The following LRCOL1 variants were observed in gnomAD, a reference collection of about 807,000 sequenced individuals.
LRCOL1 encodes leucine rich colipase like 1, also known as leucine-rich colipase-like protein 1.
In LRCOL1, 21 loss-of-function variants were observed where a neutral mutation model predicts 21.6. The ratio of observed to expected loss-of-function variants is 0.97; its 90% CI spans 0.69 to 1.40. The LOEUF is 1.40. Ranked by LOEUF, LRCOL1 falls within the 40% of genes most tolerant of loss-of-function variation. LRCOL1 has a pLI of 0.00. For missense variants in LRCOL1, 198 were observed against 202.3 expected (o/e 0.98, Z 0.13); for synonymous variants, 98 against 90.1 (o/e 1.09, Z -0.49).
Position 132,603,352 on chromosome 12 carries a change from G to C in LRCOL1, c.*50C>G. ...GCCCCCGCGCAACGCGGTCCTGCGT[G>C]AACATCCCAGGGCCCAGGCCGGTCC... On this transcript the variant is annotated 3_prime_UTR_variant, in exon 6 of 6. Transcript: ENST00000376608. The C allele has an allele frequency of 1.3e-6, 2 of 1,535,764 alleles. No individual in the cohort carries two copies. The highest frequency in any genetic ancestry group is 1.7e-6 in the Non-Finnish European group (2 of 1,146,598).
Position 132,604,288 on chromosome 12 carries a change from G to C in LRCOL1, c.443C>G (p.Pro148Arg). ...GCACTGGGCCAGGATCCCGGTCCGG[G>C]GAATGCAGCGGAAGGGGCTGTACTC... ...LREYSPFRCI[P>R]RTGILAQCLP... Residue 148 changes from proline (P) to arginine (R), a missense_variant, in exon 5 of 6, where the codon CCC becomes CGC. Pro to Arg is a moderately radical substitution (Grantham distance 103). Transcript: ENST00000376608. 1 of 1,535,670 alleles carries C rather than the reference G, an allele frequency of 6.5e-7. No homozygotes were observed. The highest frequency in any genetic ancestry group is 8.7e-7 in the Non-Finnish European group (1 of 1,146,788).
rs906951975 is a variant in LRCOL1, at chr12:132,606,327, G to A, written c.-13-63C>T. ...CCAGCCTTGTCCTGCCTGGCACCTG[G>A]TGCTGGCCTCCCCACTCCCTTCCCA... On this transcript the variant is annotated intron_variant, in intron 1 of 5. Transcript: ENST00000376608. This position sits in a 1 kb window ranked among gnomAD's most constrained non-coding sequence, Gnocchi z 4.6. 7.1e-7 allele frequency: 1 copy of A among 1,404,652 alleles called. No individual in the cohort carries two copies. The allele number at this position is 1,404,652 out of a possible 1,614,324, so 87.0% of individuals were successfully genotyped here. A position where few individuals can be genotyped will look rare whatever the true frequency, so the allele number is the denominator to read the frequency against.
chr12:132,609,857 G>A (rs774295011), intron 1 of LRCOL1, among the ~76,000 whole-genome samples: 22 of 152,136 alleles, frequency 1.4e-4, no homozygotes, highest in Non-Finnish European at 2.5e-4. Flanking sequence ...TCTCTATTCC[G>A]GGACATTTGC....
At chr12:132,609,519 G>A (rs978393675) in intron 1 of LRCOL1, among the ~76,000 whole-genome samples, 9 of 152,178 alleles carry the variant, frequency 5.9e-5, no homozygotes, top group Admixed American at 1.3e-4. Context: ...CCAACATGGT[G>A]AAACCCTGTC....
chr12:132,605,042 G>A, intron 2 of LRCOL1: 1 of 1,395,146 alleles, frequency 7.2e-7, no homozygotes, highest in South Asian at 1.5e-5. Context: ...TGTCTACTGT[G>A]AGCCACGTGG....
chr12:132,604,926 T>G, intron 2 of LRCOL1, 95 bp from the exon 3 acceptor site: 2 of 1,474,146 alleles, frequency 1.4e-6, no homozygotes, highest in Non-Finnish European at 1.8e-6. Context: ...GGCTCCCCTG[T>G]GTCACCATCC....
chr12:132,603,373 G>T lies in LRCOL1; in HGVS notation c.*29C>A. On this transcript the variant is annotated 3_prime_UTR_variant, in exon 6 of 6. Coordinates refer to ENST00000376608, the MANE Select transcript of LRCOL1 (RefSeq NM_001195520.2). ...GCGTGAACATCCCAGGGCCCAGGCC[G>T]GTCCCTCGCGCCCAGGTTCGAGCTC... 6.5e-7 allele frequency: 1 copy of T among 1,536,150 alleles called. No individual in the cohort carries two copies. The highest frequency in any genetic ancestry group is 1.2e-5 in the South Asian group (1 of 84,056).
In LRCOL1 at chr12:132,604,570, T is replaced by C. The variant is rs2041277577; in HGVS notation, c.246A>G (p.Arg82=). The change falls in exon 4 of 6, where the codon AGA becomes AGG. Residue 82 remains arginine (R), a synonymous_variant. Coordinates refer to ENST00000376608, the MANE Select transcript of LRCOL1 (RefSeq NM_001195520.2). ...CLPWRKPNGY[R]CSHDSECQSS... ...TCTGGCACTCTGAGTCGTGCGAGCATCTGTACCCATTGGGCTATGGGACAG... is the reference window on the plus strand; with the variant it reads ...TCTGGCACTCTGAGTCGTGCGAGCACCTGTACCCATTGGGCTATGGGACAG... 1 of 1,535,484 alleles carries C rather than the reference T, an allele frequency of 6.5e-7. No individual in the cohort carries two copies. Among genetic ancestry groups the C allele is most frequent in the Non-Finnish European group, 8.7e-7 (1 of 1,146,386 alleles).
rs2041270528 is a variant in LRCOL1 at position 132,604,289 on chromosome 12, G to A, written c.442C>T (p.Pro148Ser). The change falls in exon 5 of 6, where the codon CCC becomes TCC. Residue 148 changes from proline (P) to serine (S), a missense_variant. Pro to Ser is a moderately conservative substitution (Grantham distance 74). Transcript: ENST00000376608. ...CACTGGGCCAGGATCCCGGTCCGGG[G>A]AATGCAGCGGAAGGGGCTGTACTCC... ...LREYSPFRCI[P>S]RTGILAQCLP... The A allele has an allele frequency of 2.0e-6, 3 of 1,535,500 alleles. No individual in the cohort carries two copies. The highest frequency in any genetic ancestry group is 2.4e-5 in the East Asian group (1 of 40,908).
rs1566276530 is a variant in LRCOL1 at position 132,603,629 on chromosome 12, ACCCGAGGGCGCC to A, written c.478-237_478-226del. 1.2e-3 allele frequency: 107 copies of A among 90,862 alleles called. No individual in the cohort carries two copies. In the African/African-American group the frequency reaches 0.022, roughly 18 times the overall value. The allele number at this position is 90,862 out of a possible 1,614,324, so 5.6% of individuals were successfully genotyped here. Reference sequence around the variant, plus strand: ...AGCGCCCACGAGGGCGCCTGGTGGTACCCGAGGGCGCCTGGTGGTACCCGAGGGCTGTGAACA... The same window carrying A: ...AGCGCCCACGAGGGCGCCTGGTGGTATGGTGGTACCCGAGGGCTGTGAACA... On this transcript the variant is annotated intron_variant, in intron 5 of 5. Transcript: ENST00000376608.
Position 132,603,358 on chromosome 12 carries a change from C to G in LRCOL1, c.*44G>C. On this transcript the variant is annotated 3_prime_UTR_variant, in exon 6 of 6. Transcript: ENST00000376608. The stretch of plus-strand genomic sequence containing the variant: ...GCGCAACGCGGTCCTGCGTGAACAT[C>G]CCAGGGCCCAGGCCGGTCCCTCGCG... 6.5e-7 allele frequency: 1 copy of G among 1,536,088 alleles called. No homozygotes were observed. The highest frequency in any genetic ancestry group is 2.4e-5 in the East Asian group (1 of 40,920).
intron 1 of LRCOL1, among the ~76,000 whole-genome samples, chr12:132,607,352 C>A (rs1429226154): frequency 6.6e-6 from 1 of 152,218 alleles, no homozygotes; most frequent in Non-Finnish European, 1.5e-5. Context: ...AAGATCAACA[C>A]AAAATTCAAA....
intron 5 of LRCOL1, chr12:132,603,942 C>G (rs2041263062): frequency 4.0e-6 from 5 of 1,245,914 alleles, no homozygotes; most frequent in African/African-American, 1.6e-5. Flanking sequence ...GGCCTGAAGA[C>G]GTCCAACCCC....
intron 1 of LRCOL1, among the ~76,000 whole-genome samples, chr12:132,609,258 G>A (rs1268526352): frequency 1.3e-5 from 2 of 152,198 alleles, no homozygotes; most frequent in Admixed American, 6.5e-5. Context: ...CAGACAGTAC[G>A]ATGGTGGTGC....
chr12:132,607,103 G>A (rs1315346272), intron 1 of LRCOL1, among the ~76,000 whole-genome samples: 1 of 152,198 alleles, frequency 6.6e-6, no homozygotes, highest in Non-Finnish European at 1.5e-5. Flanking sequence ...ATTGCCCTGC[G>A]TGTGGTCAGC....
chr12:132,603,779 C>T, intron 5 of LRCOL1: 1 of 985,468 alleles, frequency 1.0e-6, no homozygotes, highest in Non-Finnish European at 1.2e-6. Flanking sequence ...TGGCCCCCTC[C>T]CCTGGCCCCA....
Position 132,606,952 on chromosome 12 carries a change from C to G in LRCOL1, c.-13-688G>C, listed in dbSNP as rs573063460. ...AATGGATTTTGAAGAAGACTTTTCC[C>G]AGCGGACAGTGGTTCCCCTGATGAA... On this transcript the variant is annotated intron_variant, in intron 1 of 5. Coordinates refer to ENST00000376608, the MANE Select transcript of LRCOL1 (RefSeq NM_001195520.2). This position sits in a 1 kb window ranked among gnomAD's most constrained non-coding sequence, Gnocchi z 4.6. Among the ~76,000 whole-genome samples the G allele has an allele frequency of 6.6e-5, 10 of 152,176 alleles. No individual in the cohort carries two copies. The South Asian group carries it at 1.2e-3, about 19-fold the overall frequency.
At chr12:132,604,045 G>C (rs2041265249) in intron 5 of LRCOL1, 2 of 1,397,648 alleles carry the variant, frequency 1.4e-6, no homozygotes, top group Non-Finnish European at 1.9e-6. Context: ...GCGGGGCCTG[G>C]TGGGCTCAGT....
rs1008431001 is a variant in LRCOL1 at position 132,603,307 on chromosome 12, G to C, written c.*95C>G. ...CAGAAACAGCAGCACAAACCGTAAG[G>C]GAAGCTTCCGCTGGAACCAGCCCCC... On this transcript the variant is annotated 3_prime_UTR_variant, in exon 6 of 6. Coordinates refer to ENST00000376608, the MANE Select transcript of LRCOL1 (RefSeq NM_001195520.2). The C allele has an allele frequency of 2.4e-5, 36 of 1,510,164 alleles. No homozygotes were observed. The highest frequency in any genetic ancestry group is 3.2e-5 in the Non-Finnish European group (36 of 1,124,670). The allele number at this position is 1,510,164 out of a possible 1,614,324, so 93.5% of individuals were successfully genotyped here.
Sources: allele counts gnomAD v4.1 joint callset (sites outside exome capture counted in the v4.1 genomes callset), GRCh38; gene constraint gnomAD v4.1.1; non-coding constraint Gnocchi (gnomAD v3.1); transcripts MANE v1.5; gene names NCBI Gene and HGNC (gene_info 2026-07-23, HGNC 2026-07-21).